CNTNAP2: variants seen among roughly 807,000 people sequenced by gnomAD.
CNTNAP2 encodes the protein contactin associated protein 2.
CNTNAP2 carries 98 observed loss-of-function variants against 155.2 expected under a neutral mutation model. The ratio of observed to expected loss-of-function variants is 0.63; its 90% CI spans 0.54 to 0.75. The LOEUF is 0.75. CNTNAP2 is among the 30% of genes least tolerant of loss of function. The pLI, the probability that CNTNAP2 is intolerant of heterozygous loss-of-function variation, is 0.00. For missense variants in CNTNAP2, 1,727 were observed against 1,688.1 expected, an observed-to-expected ratio of 1.02 and a Z score of -0.40; for synonymous variants, 651 against 631.2, an observed-to-expected ratio of 1.03 and a Z score of -0.47.
At chr7:146,815,912 C>T (rs1437813972) in intron 2 of CNTNAP2, among the ~76,000 whole-genome samples, 1 of 152,104 alleles carries the variant, frequency 6.6e-6, no homozygotes, top group East Asian at 1.9e-4. Context: ...CTCTCTGCTC[C>T]CCCAACCCCA....
At chr7:146,773,844 C>T (rs1180290135) in intron 1 of CNTNAP2, among the ~76,000 whole-genome samples, 1 of 152,184 alleles carries the variant, frequency 6.6e-6, no homozygotes, top group Non-Finnish European at 1.5e-5. Flanking sequence ...AGCAACTCCC[C>T]ATTTCTTGGT....
intron 10 of CNTNAP2, among the ~76,000 whole-genome samples, chr7:147,398,514 T>C (rs977078897): frequency 4.0e-5 from 6 of 151,142 alleles, no homozygotes; most frequent in African/African-American, 1.2e-4. Context: ...AATGATTTGA[T>C]GAGTAGAACT....
chr7:148,291,091 G>C (rs932341236), intron 21 of CNTNAP2, among the ~76,000 whole-genome samples: 6 of 151,632 alleles, frequency 4.0e-5, no homozygotes, highest in Admixed American at 1.3e-4. Flanking sequence ...ATGGTGCTGA[G>C]TCCTACAGAG....
At chr7:146,988,314 T>TA (rs1295166523) in intron 3 of CNTNAP2, among the ~76,000 whole-genome samples, 1 of 152,112 alleles carries the variant, frequency 6.6e-6, no homozygotes, top group Non-Finnish European at 1.5e-5. Context: ...TGGCTTTTGA[T>TA]AAGCACATTG....
At chr7:147,842,290 C>A (rs1024557406) in intron 13 of CNTNAP2, among the ~76,000 whole-genome samples, 10 of 152,192 alleles carry the variant, frequency 6.6e-5, no homozygotes, top group Non-Finnish European at 1.2e-4. Context: ...CACATATAAG[C>A]AATTAGTCCC....
intron 13 of CNTNAP2, among the ~76,000 whole-genome samples, chr7:147,684,191 C>A (rs1036337383): frequency 4.0e-5 from 6 of 151,670 alleles, no homozygotes; most frequent in African/African-American, 1.5e-4. Flanking sequence ...CAAAGTTTGC[C>A]TTTTCAGAAT....
intron 1 of CNTNAP2, among the ~76,000 whole-genome samples, chr7:146,760,696 A>G (rs1375919257): frequency 6.6e-6 from 1 of 151,992 alleles, no homozygotes; most frequent in Admixed American, 6.5e-5. Flanking sequence ...AAGTGCTGTG[A>G]TTACAGGTGT....
intron 1 of CNTNAP2, among the ~76,000 whole-genome samples, chr7:146,234,722 C>A (rs1799443229): frequency 6.6e-6 from 1 of 152,114 alleles, no homozygotes; most frequent in African/African-American, 2.4e-5. Context: ...AATAGGGAAT[C>A]CTTTCCCCAT....
intron 2 of CNTNAP2, among the ~76,000 whole-genome samples, chr7:146,807,982 G>A (rs562444008): frequency 5.3e-5 from 8 of 152,032 alleles, no homozygotes; most frequent in Non-Finnish European, 1.2e-4. Context: ...AGTTTTAATT[G>A]TGTTTTTAAC....
At chr7:146,402,222 T>C (rs1795724823) in intron 1 of CNTNAP2, among the ~76,000 whole-genome samples, 1 of 152,204 alleles carries the variant, frequency 6.6e-6, no homozygotes, top group Non-Finnish European at 1.5e-5. Context: ...AATTACCAAC[T>C]ATTTTATTGA....
intron 20 of CNTNAP2, among the ~76,000 whole-genome samples, chr7:148,247,671 G>T (rs1282084564): frequency 1.3e-3 from 114 of 88,430 alleles, no homozygotes; most frequent in Admixed American, 1.7e-3. Context: ...TTATTTTTTT[G>T]GAGATAGAGT....
At chr7:148,006,316 C>CTTT (rs68011639) in intron 15 of CNTNAP2, among the ~76,000 whole-genome samples, 10 of 118,962 alleles carry the variant, frequency 8.4e-5, no homozygotes, top group Non-Finnish European at 1.2e-4. Context: ...ATAGGAAGTT[C>CTTT]TTTTTTTTTT....
At chr7:146,637,470 C>T (rs1799618324) in intron 1 of CNTNAP2, among the ~76,000 whole-genome samples, 1 of 152,008 alleles carries the variant, frequency 6.6e-6, no homozygotes, top group South Asian at 2.1e-4. Flanking sequence ...ATTTCTTTTT[C>T]AACAGGAAGC....
intron 3 of CNTNAP2, among the ~76,000 whole-genome samples, chr7:146,910,955 A>C (rs568420003): frequency 4.0e-5 from 6 of 151,396 alleles, no homozygotes; most frequent in Non-Finnish European, 7.3e-5. Context: ...AAACAAATTT[A>C]CAAGAAAAAA....
At chr7:147,524,738 A>G (rs984913587) in intron 11 of CNTNAP2, among the ~76,000 whole-genome samples, 1 of 152,188 alleles carries the variant, frequency 6.6e-6, no homozygotes, top group Non-Finnish European at 1.5e-5. Context: ...GCAGCATAGG[A>G]GTTCCAATTC....
intron 3 of CNTNAP2, among the ~76,000 whole-genome samples, chr7:146,870,408 C>A (rs184463206): frequency 2.4e-4 from 36 of 152,102 alleles, no homozygotes; most frequent in Non-Finnish European, 4.6e-4. Context: ...GTTTTTATTT[C>A]TGTGAGATCA....
intron 8 of CNTNAP2, among the ~76,000 whole-genome samples, chr7:147,228,359 A>T (rs1276463542): frequency 6.6e-6 from 1 of 152,180 alleles, no homozygotes; most frequent in Non-Finnish European, 1.5e-5. Context: ...AGGCTAAAAC[A>T]GTCAGTAATG....
chr7:147,335,718 T>C (rs952514092), intron 9 of CNTNAP2, among the ~76,000 whole-genome samples: 2 of 152,188 alleles, frequency 1.3e-5, no homozygotes, highest in Non-Finnish European at 2.9e-5. Context: ...TTATTTTTCT[T>C]AGAAATCAAA....
intron 13 of CNTNAP2, among the ~76,000 whole-genome samples, chr7:147,898,611 C>T (rs947223476): frequency 6.6e-6 from 1 of 152,100 alleles, no homozygotes; most frequent in Non-Finnish European, 1.5e-5. Flanking sequence ...CCTCTGCCAC[C>T]GAGGTTCTAG....
Sources: gnomAD v4.1 joint callset for allele counts (sites outside exome capture counted in the v4.1 genomes callset) on GRCh38, gnomAD v4.1.1 for gene constraint, MANE v1.5 for transcripts, NCBI Gene and HGNC (gene_info 2026-07-23, HGNC 2026-07-21) for gene names.